RAB34: variants seen among roughly 807,000 people sequenced by gnomAD.
RAB34 encodes ras-related protein Rab-34.
Under a neutral mutation model 39.0 loss-of-function variants are expected in RAB34, and 33 were observed. The ratio of observed to expected loss-of-function variants is 0.85; its 90% CI spans 0.64 to 1.13. The LOEUF (loss-of-function observed/expected upper bound fraction) is 1.13. RAB34 is among the 50% of genes most tolerant of loss of function. The pLI is 0.00. For synonymous variants in RAB34, 135 were observed against 125.1 expected, an observed-to-expected ratio of 1.08 and a Z score of -0.53; for missense variants, 289 against 326.1, an observed-to-expected ratio of 0.89 and a Z score of 0.88.
rs2033259405 is a variant in RAB34, at chr17:28,715,632, G to A, written c.379+9C>T. The A allele has an allele frequency of 3.1e-6, 5 of 1,614,050 alleles. No homozygotes were observed. The East Asian group carries it at 1.1e-4, about 36-fold the overall frequency. ...AGACCCACCTACCCCACTTCACCCAGCCCCTTACCTTGAGCTCCTCTATAG... is the reference window on the plus strand; with the variant it reads ...AGACCCACCTACCCCACTTCACCCAACCCCTTACCTTGAGCTCCTCTATAG... On this transcript the variant is annotated intron_variant, in intron 5 of 9. Transcript: ENST00000395245.
chr17:28,717,873 C>A, upstream of RAB34: 1 of 1,360,512 alleles, frequency 7.4e-7, no homozygotes, highest in Non-Finnish European at 9.4e-7. Flanking sequence ...CGCTGTAACA[C>A]GATCCCCGGA....
At position 28,717,209 on chromosome 17, in the gene RAB34, C is replaced by T. The variant is rs1215116773; in HGVS notation, c.54+4G>A. The stretch of plus-strand genomic sequence containing the variant: ...CTGAAGCCCGACGTGGCCCCGGCGC[C>T]TACCTGGGGCAGCTCCGCCAGGACG... On this transcript the variant is annotated splice_donor_region_variant and intron_variant, in intron 1 of 9. Coordinates refer to ENST00000395245, the MANE Select transcript of RAB34 (RefSeq NM_031934.6). 6.2e-7 allele frequency: 1 copy of T among 1,600,546 alleles called. No individual in the cohort carries two copies. Among genetic ancestry groups the T allele is most frequent in the Non-Finnish European group, 8.5e-7 (1 of 1,176,662 alleles).
chr17:28,715,669 A>G lies in RAB34; in HGVS notation c.351T>C (p.Ile117=). The change falls in exon 5 of 10, where the codon ATT becomes ATC. Residue 117 remains isoleucine, a synonymous_variant. Coordinates refer to ENST00000395245, the MANE Select transcript of RAB34 (RefSeq NM_031934.6). The part of the protein sequence containing the change: ...DTAGQERFKC[I]ASTYYRGAQA... Reference sequence around the variant, plus strand: ...GAGCTCCTCTATAGTAGGTTGATGCAATGCATTTGAACCTCTCCTGCCCAG... The same window carrying G: ...GAGCTCCTCTATAGTAGGTTGATGCGATGCATTTGAACCTCTCCTGCCCAG... 1 of 1,614,102 alleles carries G rather than the reference A, an allele frequency of 6.2e-7. No homozygotes were observed. The highest frequency in any genetic ancestry group is 8.5e-7 in the Non-Finnish European group (1 of 1,180,016).
Position 28,717,751 on chromosome 17 carries a change from G to A in RAB34, c.-485C>T, listed in dbSNP as rs1338207096. 4 of 1,333,656 alleles carry A rather than the reference G, an allele frequency of 3.0e-6. No homozygotes were observed. Among genetic ancestry groups the A allele is most frequent in the Non-Finnish European group, 3.8e-6 (4 of 1,047,846 alleles). 82.6% of individuals were successfully genotyped at this position (1,333,656 alleles called of 1,614,324 possible). On this transcript the variant is annotated 5_prime_UTR_variant, in exon 1 of 10. Coordinates refer to ENST00000395245, the MANE Select transcript of RAB34 (RefSeq NM_031934.6). ...GCGCGGAGCGGCCCCGCCACACGGG[G>A]TCAGTGTGGGCAGGGGCGGCGCTGC...
In RAB34 at chr17:28,714,603, G is replaced by A; in HGVS notation, c.*40C>T. 6.2e-7 allele frequency: 1 copy of A among 1,613,944 alleles called. No homozygotes were observed. The highest frequency in any genetic ancestry group is 8.5e-7 in the Non-Finnish European group (1 of 1,180,030). On this transcript the variant is annotated 3_prime_UTR_variant, in exon 10 of 10. Coordinates refer to ENST00000395245, the MANE Select transcript of RAB34 (RefSeq NM_031934.6). ...TCTGGAGGAATGAGGGTGGCACAGT[G>A]CCCTAGGGCTGGGCAGTCTCTGAAC...
Position 28,717,269 on chromosome 17 carries a change from T to C in RAB34, c.-3A>G. On this transcript the variant is annotated 5_prime_UTR_variant, in exon 1 of 10. Transcript: ENST00000395245. ...CGCACGGGTGCCAGAATGTTCATCC[T>C]GCCTGCGGCCTTGCAGGGCGCCCTG... 6.2e-7 allele frequency: 1 copy of C among 1,603,466 alleles called. No homozygotes were observed. Among genetic ancestry groups the C allele is most frequent in the South Asian group, 1.1e-5 (1 of 90,148 alleles).
chr17:28,717,804 G>A lies in RAB34; in HGVS notation c.-538C>T. ...AGGCCCGCAGGCCGCTGGAGGAGGGGGCGAGGGGCCCAGTCCGGCTACAGG... is the reference window on the plus strand; with the variant it reads ...AGGCCCGCAGGCCGCTGGAGGAGGGAGCGAGGGGCCCAGTCCGGCTACAGG... On this transcript the variant is annotated 5_prime_UTR_variant, in exon 1 of 10. Coordinates refer to ENST00000395245, the MANE Select transcript of RAB34 (RefSeq NM_031934.6). The A allele has an allele frequency of 7.5e-7, 1 of 1,324,772 alleles. No homozygotes were observed. Among genetic ancestry groups the A allele is most frequent in the Non-Finnish European group, 9.6e-7 (1 of 1,043,392 alleles). 82.1% of individuals were successfully genotyped at this position (1,324,772 alleles called of 1,614,324 possible).
upstream of RAB34, chr17:28,718,365 C>T (rs775501631): frequency 1.3e-4 from 129 of 994,050 alleles, no homozygotes; most frequent in Non-Finnish European, 1.5e-4. Flanking sequence ...GAATGAGGTG[C>T]CCACCGAGGA....
rs1597750371 is a variant in RAB34 at position 28,714,420 on chromosome 17, A to C, written c.*223T>G. ...CCCTCACTACCACTGGGCGCCCTGG[A>C]CAGTCCCCTGAGGAGTAGGGGGCAT... On this transcript the variant is annotated 3_prime_UTR_variant, in exon 10 of 10. Coordinates refer to ENST00000395245, the MANE Select transcript of RAB34 (RefSeq NM_031934.6). 3.5e-6 allele frequency: 3 copies of C among 856,418 alleles called. No individual in the cohort carries two copies. In the East Asian group the frequency reaches 7.9e-5, roughly 22 times the overall value. 53.1% of individuals were successfully genotyped at this position (856,418 alleles called of 1,614,324 possible).
At chr17:28,715,321 C>T (rs1372047851) in intron 6 of RAB34, 45 bp from the exon 7 acceptor site, 1 of 1,593,836 alleles carries the variant, frequency 6.3e-7, no homozygotes, top group Admixed American at 1.7e-5. Context: ...GTCTGCAGGG[C>T]CCCTCCCACT....
intron 6 of RAB34, 44 bp from the exon 7 acceptor site, chr17:28,715,320 GC>G (rs756635477): frequency 9.4e-6 from 15 of 1,593,848 alleles, no homozygotes; most frequent in African/African-American, 1.3e-5. Flanking sequence ...AGTCTGCAGG[GC>G]CCCTCCCACT....
In RAB34 at chr17:28,714,401, C is replaced by T. The variant is rs2032979489; in HGVS notation, c.*242G>A. On this transcript the variant is annotated 3_prime_UTR_variant, in exon 10 of 10. Transcript: ENST00000395245. ...AAAAGAACAGAGACACTCTCCCTCACTACCACTGGGCGCCCTGGACAGTCC... is the reference window on the plus strand; with the variant it reads ...AAAAGAACAGAGACACTCTCCCTCATTACCACTGGGCGCCCTGGACAGTCC... 2.9e-6 allele frequency: 2 copies of T among 693,314 alleles called. No homozygotes were observed. The highest frequency in any genetic ancestry group is 2.6e-5 in the Admixed American group (1 of 39,076). The allele number at this position is 693,314 out of a possible 1,614,324, so 42.9% of individuals were successfully genotyped here. A position where few individuals can be genotyped will look rare whatever the true frequency, so the allele number is the denominator to read the frequency against.
upstream of RAB34, chr17:28,718,201 G>C (rs1330325092): frequency 3.1e-6 from 5 of 1,604,620 alleles, no homozygotes; most frequent in East Asian, 9.0e-5. Context: ...AGGGGAAAGG[G>C]GGAGAGAAGG....
chr17:28,717,721 CG>C lies in RAB34; in HGVS notation c.-456del. 7.8e-7 allele frequency: 1 copy of C among 1,287,070 alleles called. No individual in the cohort carries two copies. The highest frequency in any genetic ancestry group is 3.9e-5 in the Admixed American group (1 of 25,550). The allele number at this position is 1,287,070 out of a possible 1,614,324, so 79.7% of individuals were successfully genotyped here. A position where few individuals can be genotyped will look rare whatever the true frequency, so the allele number is the denominator to read the frequency against. On this transcript the variant is annotated 5_prime_UTR_variant, in exon 1 of 10. Transcript: ENST00000395245. ...GCTGCCCTACCATTACAGAGCGGCCCGGGGGCGCGGAGCGGCCCCGCCACAC... is the reference window on the plus strand; with the variant it reads ...GCTGCCCTACCATTACAGAGCGGCCCGGGGCGCGGAGCGGCCCCGCCACAC...
rs1400014586 is a variant in RAB34, at chr17:28,714,803, C to A, written c.702G>T (p.Gly234=). The A allele has an allele frequency of 6.2e-7, 1 of 1,614,056 alleles. No homozygotes were observed. The highest frequency in any genetic ancestry group is 2.2e-5 in the East Asian group (1 of 44,904). The change falls in exon 9 of 10, where the codon GGG becomes GGT. Residue 234 remains glycine (G), a synonymous_variant. Transcript: ENST00000395245. ...ELEKSGARRI[G]DVVRINSDDS... ...CAGGCAAGCACTCACGGACAACATC[C>A]CCAATGCGTCGAGCCCCCGATTTCT...
chr17:28,717,068 G>C, intron 1 of RAB34, 74 bp from the exon 2 acceptor site: 2 of 1,581,078 alleles, frequency 1.3e-6, no homozygotes, highest in Non-Finnish European at 1.7e-6. Context: ...GGCCCGGGTA[G>C]GGGTGGAGTG....
At chr17:28,718,293 G>T, upstream of RAB34, 1 of 1,525,388 alleles carries the variant, frequency 6.6e-7, no homozygotes, top group Non-Finnish European at 8.8e-7. Flanking sequence ...TCGCCCTTCT[G>T]CCCTGGGAGG....
rs865966200 is a variant in RAB34, at chr17:28,714,289, G to A, written c.*354C>T. 11 of 521,590 alleles carry A rather than the reference G, an allele frequency of 2.1e-5. No homozygotes were observed. The highest frequency in any genetic ancestry group is 6.6e-5 in the East Asian group (2 of 30,144). 32.3% of individuals were successfully genotyped at this position (521,590 alleles called of 1,614,324 possible). On this transcript the variant is annotated 3_prime_UTR_variant, in exon 10 of 10. Coordinates refer to ENST00000395245, the MANE Select transcript of RAB34 (RefSeq NM_031934.6). ...AAAGAACTCCAGCCCCAAAGTGCTC[G>A]TAACAAAGAAATTTTAATGCATAAG...
In RAB34 at chr17:28,716,076, G is replaced by T; in HGVS notation, c.147-18C>A. On this transcript the variant is annotated intron_variant, in intron 2 of 9. Transcript: ENST00000395245. ...TCTTAAATCTGCTGGACACAAGAGT[G>T]GGCAAGGGGAGTGGGCACGAGCTCT... 1 of 1,613,626 alleles carries T rather than the reference G, an allele frequency of 6.2e-7. No individual in the cohort carries two copies. The highest frequency in any genetic ancestry group is 2.2e-5 in the East Asian group (1 of 44,890).
Sources: allele counts gnomAD v4.1 joint callset, GRCh38; gene constraint gnomAD v4.1.1; transcripts MANE v1.5; gene names NCBI Gene and HGNC (gene_info 2026-07-23, HGNC 2026-07-21).